Variants in NUP214 observed in about 807,000 individuals in gnomAD.
NUP214 encodes the protein nuclear pore complex protein Nup214.
In NUP214, 79 loss-of-function variants were observed where a neutral mutation model predicts 196.2. The observed-to-expected ratio is 0.40, with a 90% CI of 0.34 to 0.49. The LOEUF (loss-of-function observed/expected upper bound fraction) is 0.49, where lower values mean the gene tolerates loss of function less well. NUP214 is among the 20% of genes least tolerant of loss of function. The pLI is 0.58. For synonymous variants in NUP214, 1,020 were observed against 990.5 expected, an observed-to-expected ratio of 1.03 and a Z score of -0.56; for missense variants, 2,468 against 2,539.0, an observed-to-expected ratio of 0.97 and a Z score of 0.60.
At chr9:131,129,246 A>G (rs748731799) in intron 3 of NUP214, 33 bp from the exon 4 acceptor site, 6 of 1,564,620 alleles carry the variant, frequency 3.8e-6, no homozygotes, top group Non-Finnish European at 5.3e-6. Flanking sequence ...CTATTTGTTA[A>G]CTTATTTCAC....
At chr9:131,171,133 T>G (rs1195570492) in intron 21 of NUP214, among the ~76,000 whole-genome samples, 2 of 152,210 alleles carry the variant, frequency 1.3e-5, no homozygotes, top group African/African-American at 4.8e-5. Flanking sequence ...GCAGCACCCA[T>G]TAATGGTGGA....
At chr9:131,224,349 G>A (rs1218374824) in intron 32 of NUP214, among the ~76,000 whole-genome samples, 2 of 152,200 alleles carry the variant, frequency 1.3e-5, no homozygotes, top group African/African-American at 4.8e-5. Flanking sequence ...CGGAGAGTCT[G>A]CACTCCTGTC....
At chr9:131,149,256 G>A (rs1832180658) in intron 14 of NUP214, among the ~76,000 whole-genome samples, 1 of 152,090 alleles carries the variant, frequency 6.6e-6, no homozygotes, top group South Asian at 2.1e-4. Context: ...AATGTTTGCT[G>A]TTAATGAATG....
intron 24 of NUP214, among the ~76,000 whole-genome samples, chr9:131,183,457 G>A (rs1833349752): frequency 6.6e-6 from 1 of 152,078 alleles, no homozygotes; most frequent in Admixed American, 6.5e-5. Context: ...CCATTTCCAG[G>A]GTTCTTCATT....
In NUP214 at chr9:131,198,073, C is replaced by T. The variant is rs958256300; in HGVS notation, c.4579C>T (p.Pro1527Ser). The change falls in exon 29 of 36, where the codon CCC becomes TCC. Residue 1527 changes from proline (P) to serine (S), a missense_variant. Around this residue, in one of 5 missense-constraint regions of NUP214, gnomAD observed 1,801 missense variants for 1,779.4 expected, o/e 1.01. Transcript: ENST00000359428. ...LLEEQQSAQL[P>S]QAPPQTSDSV... ...AGAGGAGCAACAGTCAGCCCAGCTTCCCCAGGCTCCTCCGCAAACTTCTGA... is the reference window on the plus strand; with the variant it reads ...AGAGGAGCAACAGTCAGCCCAGCTTTCCCAGGCTCCTCCGCAAACTTCTGA... The T allele has an allele frequency of 1.9e-6, 3 of 1,614,182 alleles. No homozygotes were observed. The highest frequency in any genetic ancestry group is 2.5e-6 in the Non-Finnish European group (3 of 1,180,014).
intron 30 of NUP214, among the ~76,000 whole-genome samples, chr9:131,213,028 A>G (rs974915704): frequency 2.0e-5 from 3 of 152,118 alleles, no homozygotes; most frequent in African/African-American, 7.2e-5. Flanking sequence ...TTTATGTTTT[A>G]AAGCCTGTTG....
chr9:131,197,088 T>G (rs776848019), intron 28 of NUP214, 128 bp from the exon 29 acceptor site: 10 of 1,304,440 alleles, frequency 7.7e-6, no homozygotes, highest in South Asian at 2.9e-5. Context: ...AAAGCTGCTG[T>G]GAGAACAAGG....
intron 2 of NUP214, 77 bp from the exon 3 acceptor site, chr9:131,128,255 A>G (rs145347653): frequency 7.0e-7 from 1 of 1,422,292 alleles, no homozygotes; most frequent in African/African-American, 1.4e-5. Flanking sequence ...AAATTTTTTC[A>G]CATCGAACTG....
At position 131,125,667 on chromosome 9, in the gene NUP214, G is replaced by A; in HGVS notation, c.-38G>A. The stretch of plus-strand genomic sequence containing the variant: ...GGGTTCCGTGGGCAAGGCCGTGGGA[G>A]GCAGCGTTGGCTGCTTCGACACACT... On this transcript the variant is annotated 5_prime_UTR_variant, in exon 1 of 36. Coordinates refer to ENST00000359428, the MANE Select transcript of NUP214 (RefSeq NM_005085.4). The surrounding 1 kb of genome is among the most constrained non-coding windows in gnomAD (Gnocchi z 4.1). The A allele has an allele frequency of 6.5e-7, 1 of 1,548,208 alleles. No individual in the cohort carries two copies. Among genetic ancestry groups the A allele is most frequent in the Non-Finnish European group, 8.7e-7 (1 of 1,144,962 alleles).
Position 131,215,364 on chromosome 9 carries a change from C to T in NUP214, c.5745C>T (p.Thr1915=), listed in dbSNP as rs768844292. Residue 1915 remains threonine, a synonymous_variant, in exon 31 of 36, where the codon ACC becomes ACT. Transcript: ENST00000359428. ...GTGGGGGCTTTGGATCCACAGCTACCTCAAGTAAGTTGAGAAGACTTTTCC... is the reference window on the plus strand; with the variant it reads ...GTGGGGGCTTTGGATCCACAGCTACTTCAAGTAAGTTGAGAAGACTTTTCC... ...SASGGFGSTA[T]SNTSNLFGNS... The T allele has an allele frequency of 6.3e-7, 1 of 1,593,450 alleles. No homozygotes were observed. The highest frequency in any genetic ancestry group is 1.4e-5 in the African/African-American group (1 of 73,650).
At chr9:131,177,287 T>C (rs1488023448) in intron 23 of NUP214, among the ~76,000 whole-genome samples, 1 of 152,222 alleles carries the variant, frequency 6.6e-6, no homozygotes, top group Admixed American at 6.5e-5. Context: ...CCTTTGGGCT[T>C]TCTAAAAATA....
At chr9:131,199,145 C>T in intron 29 of NUP214, 130 bp downstream of exon 29, 3 of 1,136,054 alleles carry the variant, frequency 2.6e-6, no homozygotes, top group South Asian at 3.3e-5. Flanking sequence ...TTAAAGAAGA[C>T]AGCTTGGAGC....
intron 5 of NUP214, among the ~76,000 whole-genome samples, chr9:131,132,328 A>G (rs1459579979): frequency 6.6e-6 from 1 of 151,802 alleles, no homozygotes; most frequent in African/African-American, 2.4e-5. Flanking sequence ...TGGCCAGGCT[A>G]GTCTCGAACT....
At chr9:131,189,230 G>A (rs1265343878) in intron 26 of NUP214, 99 bp downstream of exon 26, 2 of 977,422 alleles carry the variant, frequency 2.0e-6, no homozygotes, top group Non-Finnish European at 3.3e-6. Context: ...GGAAACAGGA[G>A]TCACATTTGA....
At chr9:131,207,178 T>G (rs933243452) in intron 30 of NUP214, among the ~76,000 whole-genome samples, 1 of 152,196 alleles carries the variant, frequency 6.6e-6, no homozygotes, top group African/African-American at 2.4e-5. Context: ...GAAGTCACAC[T>G]TACTCTGGCA....
At position 131,224,408 on chromosome 9, in the gene NUP214, T is replaced by C. The variant is rs575555437; in HGVS notation, c.5902+1478T>C. ...AAAGAGTTTTTTTTAAGACAGGTGG[T>C]CCAGGGTGGGCTGTTTGAGCAAGCA... On this transcript the variant is annotated intron_variant, in intron 32 of 35. Transcript: ENST00000359428. Among the ~76,000 whole-genome samples, 22 of 152,284 alleles carry C rather than the reference T, an allele frequency of 1.4e-4. 1 individual carries two copies. The highest frequency in any genetic ancestry group is 5.1e-4 in the African/African-American group (21 of 41,564).
rs528695111 is a variant in NUP214 at position 131,187,383 on chromosome 9, C to CTTTTTTTT, written c.3495+33_3495+40dup. ...CAAGCAGGTAACTTACTGATTTTTACTTTTTTTTTTTTTTTTTTTTTGAGA... is the reference window on the plus strand; with the variant it reads ...CAAGCAGGTAACTTACTGATTTTTACTTTTTTTTTTTTTTTTTTTTTTTTTTTTTGAGA... On this transcript the variant is annotated intron_variant, in intron 25 of 35. Transcript: ENST00000359428. 29 of 1,056,584 alleles carry CTTTTTTTT rather than the reference C, an allele frequency of 2.7e-5. No homozygotes were observed. The highest frequency in any genetic ancestry group is 1.5e-4 in the African/African-American group (8 of 53,828). 65.5% of individuals were successfully genotyped at this position (1,056,584 alleles called of 1,614,324 possible). A position where few individuals can be genotyped will look rare whatever the true frequency, so the allele number is the denominator to read the frequency against.
At chr9:131,167,832 T>TACTC (rs1166700567) in intron 21 of NUP214, among the ~76,000 whole-genome samples, 1 of 152,244 alleles carries the variant, frequency 6.6e-6, no homozygotes, top group Non-Finnish European at 1.5e-5. Flanking sequence ...GAGTTGCAGA[T>TACTC]ACTCACTTTG....
Position 131,178,419 on chromosome 9 carries a change from TG to T in NUP214, c.3419+10del. On this transcript the variant is annotated intron_variant, in intron 24 of 35. Transcript: ENST00000359428. ...CCTTCTACAGCCATGGGGTATGTTC[TG>T]ACTGCAGTGTGTTTCAGCCCCTGGC... 1 of 1,594,686 alleles carries T rather than the reference TG, an allele frequency of 6.3e-7. No homozygotes were observed.
Sources: allele counts gnomAD v4.1 joint callset (sites outside exome capture counted in the v4.1 genomes callset), GRCh38; gene constraint gnomAD v4.1.1; regional missense constraint gnomAD v4.1.1; non-coding constraint Gnocchi (gnomAD v3.1); transcripts MANE v1.5; gene names NCBI Gene and HGNC (gene_info 2026-07-23, HGNC 2026-07-21).